VPS45: variants seen among roughly 807,000 people sequenced by gnomAD.
The protein encoded by VPS45 is vacuolar protein sorting 45 homolog.
VPS45 carries 35 observed loss-of-function variants against 75.9 expected under a neutral mutation model. That is an observed-to-expected ratio of 0.46 (90% CI 0.35 to 0.61). VPS45 has a LOEUF of 0.61. VPS45 is among the 20% of genes least tolerant of loss of function. VPS45 has a pLI of 0.00. For missense variants in VPS45, 559 were observed against 685.9 expected (o/e 0.81, Z 2.07); for synonymous variants, 220 against 238.2 (o/e 0.92, Z 0.70).
chr1:150,082,694 A>G, intron 9 of VPS45, 22 bp from the exon 10 acceptor site: 2 of 1,606,164 alleles, frequency 1.2e-6, no homozygotes, highest in African/African-American at 1.3e-5. Context: ...AGAACCTCCC[A>G]TTGATGTTTT....
chr1:150,142,791 AG>A (rs782530248), intron 14 of VPS45: 58 of 433,992 alleles, frequency 1.3e-4, no homozygotes, highest in Non-Finnish European at 2.3e-4. Context: ...TAGCCTCCCA[AG>A]TAGCTGGGAC....
intron 14 of VPS45, among the ~76,000 whole-genome samples, chr1:150,133,507 T>C (rs1400399299): frequency 2.0e-5 from 3 of 152,158 alleles, no homozygotes; most frequent in Non-Finnish European, 2.9e-5. Context: ...TGAGCTGAGA[T>C]TGTGCCACTG....
intron 10 of VPS45, among the ~76,000 whole-genome samples, chr1:150,088,702 C>G (rs1656160981): frequency 6.6e-6 from 1 of 151,920 alleles, no homozygotes; most frequent in Non-Finnish European, 1.5e-5. Flanking sequence ...TGGTCCCCAG[C>G]TCCTGAGCTC....
chr1:150,086,983 C>T (rs587648667), intron 10 of VPS45, among the ~76,000 whole-genome samples: 237 of 119,690 alleles, frequency 2.0e-3, no homozygotes, highest in Non-Finnish European at 2.5e-3. Flanking sequence ...AAAAAAAAGA[C>T]GGAGACTATC....
At chr1:150,101,100 C>G (rs587749369) in intron 13 of VPS45, among the ~76,000 whole-genome samples, 1 of 152,156 alleles carries the variant, frequency 6.6e-6, no homozygotes, top group East Asian at 1.9e-4. Flanking sequence ...GAAACCCTGT[C>G]TCTACTAAAA....
intron 14 of VPS45, among the ~76,000 whole-genome samples, chr1:150,136,041 G>C (rs1347606907): frequency 2.0e-5 from 3 of 150,546 alleles, no homozygotes; most frequent in African/African-American, 7.3e-5. Flanking sequence ...CTGAGGTCAG[G>C]TGTTCAAGAC....
chr1:150,140,581 T>G (rs111278184), intron 14 of VPS45, among the ~76,000 whole-genome samples: 11 of 139,914 alleles, frequency 7.9e-5, no homozygotes, highest in South Asian at 2.1e-4. Context: ...AGCAGAGGGG[T>G]TTTTTTTTAC....
chr1:150,080,402 C>G (rs587652289), intron 7 of VPS45, among the ~76,000 whole-genome samples: 52 of 152,282 alleles, frequency 3.4e-4, no homozygotes, highest in African/African-American at 1.2e-3. Flanking sequence ...CCTCAGCCTC[C>G]CAAAGTGCTG....
At chr1:150,143,589 A>AG (rs1291569160) in intron 14 of VPS45, among the ~76,000 whole-genome samples, 6 of 150,408 alleles carry the variant, frequency 4.0e-5, no homozygotes, top group Non-Finnish European at 7.4e-5. Context: ...CTCCGTCTCA[A>AG]AAAAAAAAAA....
chr1:150,143,670 C>T (rs1553815918), intron 14 of VPS45, among the ~76,000 whole-genome samples: 1 of 151,908 alleles, frequency 6.6e-6, no homozygotes, highest in Non-Finnish European at 1.5e-5. Context: ...GGTAGGAAAG[C>T]TCATGACGTG....
chr1:150,144,867 T>C lies in VPS45; in HGVS notation c.*71T>C, dbSNP rs1659595355. On this transcript the variant is annotated 3_prime_UTR_variant, in exon 15 of 15. Coordinates refer to ENST00000644510, the MANE Select transcript of VPS45 (RefSeq NM_007259.5). ...ACAGGTTTTCCCTACTAAACAAAGGTGTTGGAGAGCAGCTTTGGGTTCTGT... is the reference window on the plus strand; with the variant it reads ...ACAGGTTTTCCCTACTAAACAAAGGCGTTGGAGAGCAGCTTTGGGTTCTGT... 6.2e-7 allele frequency: 1 copy of C among 1,606,190 alleles called. No homozygotes were observed. The highest frequency in any genetic ancestry group is 8.5e-7 in the Non-Finnish European group (1 of 1,176,840).
intron 10 of VPS45, among the ~76,000 whole-genome samples, chr1:150,085,782 A>G (rs1655976059): frequency 6.6e-6 from 1 of 152,188 alleles, no homozygotes; most frequent in Non-Finnish European, 1.5e-5. Flanking sequence ...AATTGCTGCC[A>G]TTCTAACCAT....
chr1:150,072,389 G>C (rs999754811), intron 3 of VPS45, among the ~76,000 whole-genome samples, 163 bp downstream of exon 3: 1 of 152,058 alleles, frequency 6.6e-6, no homozygotes, highest in Non-Finnish European at 1.5e-5. Context: ...CCTGCCGGGC[G>C]CGGTGGCTCA....
chr1:150,115,759 A>AT (rs1657897969), intron 14 of VPS45, among the ~76,000 whole-genome samples: 1 of 152,138 alleles, frequency 6.6e-6, no homozygotes, highest in South Asian at 2.1e-4. Context: ...GTGCAGATAG[A>AT]TTTTTTTAGT....
chr1:150,069,348 G>C (rs7554419), intron 2 of VPS45, among the ~76,000 whole-genome samples: 122,490 of 151,724 alleles, frequency 0.81, 50,105 homozygotes, highest in African/African-American at 0.95. Context: ...TTTTTTTCTT[G>C]CACTGATTAA....
intron 10 of VPS45, among the ~76,000 whole-genome samples, chr1:150,089,377 T>C (rs1237658136): frequency 6.6e-6 from 1 of 152,126 alleles, no homozygotes; most frequent in Non-Finnish European, 1.5e-5. Context: ...ATTTATTTAT[T>C]TGAGACAGTT....
chr1:150,121,932 A>G (rs1658253048), intron 14 of VPS45, among the ~76,000 whole-genome samples: 1 of 152,186 alleles, frequency 6.6e-6, no homozygotes, highest in Non-Finnish European at 1.5e-5. Context: ...GGGGCAGGGA[A>G]TATGAAACTG....
At chr1:150,125,318 A>G (rs1291347111) in intron 14 of VPS45, among the ~76,000 whole-genome samples, 19 of 148,994 alleles carry the variant, frequency 1.3e-4, no homozygotes, top group South Asian at 2.1e-4. Flanking sequence ...TTGGATATGT[A>G]TTTTTTATTT....
At chr1:150,082,647 C>A in intron 9 of VPS45, 69 bp from the exon 10 acceptor site, 1 of 1,535,776 alleles carries the variant, frequency 6.5e-7, no homozygotes, top group South Asian at 1.3e-5. Flanking sequence ...TCCCCAACCC[C>A]CATTCAGTAC....
Sources: gnomAD v4.1 joint callset for allele counts (sites outside exome capture counted in the v4.1 genomes callset) on GRCh38, gnomAD v4.1.1 for gene constraint, MANE v1.5 for transcripts, NCBI Gene and HGNC (gene_info 2026-07-23, HGNC 2026-07-21) for gene names.